SAMD3: variants seen among roughly 807,000 people sequenced by gnomAD.
SAMD3 encodes sterile alpha motif domain-containing protein 3.
SAMD3 carries 63 observed loss-of-function variants against 58.5 expected under a neutral mutation model. The ratio of observed to expected loss-of-function variants is 1.08; its 90% CI spans 0.88 to 1.33. The LOEUF (loss-of-function observed/expected upper bound fraction) is 1.33, where lower values mean the gene tolerates loss of function less well. SAMD3 is among the 40% of genes most tolerant of loss of function. SAMD3 has a pLI of 0.00. For synonymous variants in SAMD3, 220 were observed against 210.3 expected, an observed-to-expected ratio of 1.05 and a Z score of -0.40; for missense variants, 604 against 608.4, an observed-to-expected ratio of 0.99 and a Z score of 0.08.
In SAMD3 at chr6:130,144,642, G is replaced by T; in HGVS notation, c.1441C>A (p.Pro481Thr). 6.2e-7 allele frequency: 1 copy of T among 1,614,068 alleles called. No homozygotes were observed. Among genetic ancestry groups the T allele is most frequent in the South Asian group, 1.1e-5 (1 of 91,074 alleles). The change falls in exon 12 of 12, where the codon CCA becomes ACA. Residue 481 changes from proline (P) to threonine (T), a missense_variant. By Grantham distance (38) the Pro-to-Thr change is conservative. Coordinates refer to ENST00000439090, the MANE Select transcript of SAMD3 (RefSeq NM_001017373.4). ...TTGAAAGTTTGGGACAGTCTTCTTG[G>T]ACACTCAATCCTAAATACATGAAAG... ...AAFHVFRIEC[P>T]RRLSQTFNFL...
At chr6:130,340,973 G>A (rs1288925296) in intron 1 of SAMD3, among the ~76,000 whole-genome samples, 1 of 152,186 alleles carries the variant, frequency 6.6e-6, no homozygotes, top group Non-Finnish European at 1.5e-5. Flanking sequence ...AGTGAAATTT[G>A]TCTGGATGCA....
At chr6:130,215,669 A>T (rs1176852559) in intron 2 of SAMD3, 1 of 1,420,284 alleles carries the variant, frequency 7.0e-7, no homozygotes, top group African/African-American at 1.4e-5. Context: ...ATTCACCACT[A>T]CCAGGCTCCT....
chr6:130,312,179 T>C (rs967880046), intron 2 of SAMD3, among the ~76,000 whole-genome samples: 1 of 152,214 alleles, frequency 6.6e-6, no homozygotes, highest in Non-Finnish European at 1.5e-5. Flanking sequence ...TTGATTGATG[T>C]ATTGGACTGG....
intron 5 of SAMD3, among the ~76,000 whole-genome samples, chr6:130,193,316 G>C (rs934001008): frequency 1.3e-5 from 2 of 151,914 alleles, no homozygotes; most frequent in Non-Finnish European, 2.9e-5. Flanking sequence ...GGAGGGGCAA[G>C]TACCCCAACC....
At chr6:130,179,077 T>C (rs1249811168) in intron 7 of SAMD3, among the ~76,000 whole-genome samples, 1 of 152,224 alleles carries the variant, frequency 6.6e-6, no homozygotes, top group East Asian at 1.9e-4. Context: ...TTTCTAAATG[T>C]GCTGAACCTG....
chr6:130,249,876 C>T lies in SAMD3; in HGVS notation c.-187-27063G>A, dbSNP rs185787403. 2.7e-3 allele frequency among the ~76,000 whole-genome samples: 405 copies of T among 152,230 alleles called. 1 individual carries two copies. The highest frequency in any genetic ancestry group is 4.7e-3 in the Non-Finnish European group (317 of 68,004). Reference sequence around the variant, plus strand: ...AAACAAAAAAAAGCAAGACTCTAGCCATTTAGAGTTCCAAAATAGTCTCAC... The same window carrying T: ...AAACAAAAAAAAGCAAGACTCTAGCTATTTAGAGTTCCAAAATAGTCTCAC... On this transcript the variant is annotated intron_variant, in intron 2 of 13. Transcript: ENST00000368134.
intron 1 of SAMD3, among the ~76,000 whole-genome samples, chr6:130,221,060 TA>T (rs1363404157): frequency 1.3e-5 from 2 of 152,070 alleles, no homozygotes; most frequent in African/African-American, 4.8e-5. Context: ...TTCACTGTGT[TA>T]GCCAGGATGG....
intron 2 of SAMD3, among the ~76,000 whole-genome samples, chr6:130,234,338 A>G (rs1796624642): frequency 6.6e-6 from 1 of 152,064 alleles, no homozygotes; most frequent in Non-Finnish European, 1.5e-5. Flanking sequence ...TAAAGTACAT[A>G]TTTCTCTATT....
chr6:130,151,941 G>A (rs1356817490), intron 9 of SAMD3, among the ~76,000 whole-genome samples: 1 of 152,184 alleles, frequency 6.6e-6, no homozygotes, highest in Non-Finnish European at 1.5e-5. Context: ...GCAACATCCA[G>A]TAGATCCCAG....
intron 1 of SAMD3, among the ~76,000 whole-genome samples, chr6:130,345,999 G>A (rs188539102): frequency 6.6e-6 from 1 of 152,338 alleles, no homozygotes; most frequent in Non-Finnish European, 1.5e-5. Flanking sequence ...GTTATGACAG[G>A]CTGAATATTT....
At chr6:130,264,277 G>A (rs6909868) in intron 2 of SAMD3, among the ~76,000 whole-genome samples, 7 of 151,988 alleles carry the variant, frequency 4.6e-5, no homozygotes, top group African/African-American at 1.7e-4. Flanking sequence ...CGGTTCAGCT[G>A]CCAAAGGCCA....
intron 8 of SAMD3, chr6:130,161,362 C>T (rs1360735110): frequency 6.6e-6 from 1 of 152,092 alleles, no homozygotes; most frequent in African/African-American, 2.4e-5. Flanking sequence ...CTTTCATCTA[C>T]TGAAATATAG....
chr6:130,253,820 A>T lies in SAMD3; in HGVS notation c.-187-31007T>A, dbSNP rs371007883. On this transcript the variant is annotated intron_variant, in intron 2 of 13. Transcript: ENST00000368134. ...TTATACCTCTTTTATGTGATTTTTCATCATTAAATAATGTTATTTACCCCT... is the reference window on the plus strand; with the variant it reads ...TTATACCTCTTTTATGTGATTTTTCTTCATTAAATAATGTTATTTACCCCT... Among the ~76,000 whole-genome samples the T allele has an allele frequency of 7.9e-5, 12 of 151,940 alleles. No homozygotes were observed. In the East Asian group the frequency reaches 1.7e-3, roughly 22 times the overall value.
At chr6:130,267,996 C>T (rs1395696084) in intron 2 of SAMD3, among the ~76,000 whole-genome samples, 1 of 152,116 alleles carries the variant, frequency 6.6e-6, no homozygotes, top group African/African-American at 2.4e-5. Flanking sequence ...CATTAAATTA[C>T]AATGAAGCAG....
chr6:130,356,929 C>G (rs567413001), intron 1 of SAMD3, among the ~76,000 whole-genome samples: 5 of 152,258 alleles, frequency 3.3e-5, no homozygotes, highest in African/African-American at 4.8e-5. Context: ...TCCCATTTTG[C>G]AAGTGATTCA....
intron 1 of SAMD3, among the ~76,000 whole-genome samples, chr6:130,219,056 CA>C (rs1435541776): frequency 1.3e-5 from 2 of 152,180 alleles, no homozygotes; most frequent in African/African-American, 2.4e-5. Context: ...TTTCTTGAAG[CA>C]AATTGTGTAT....
In SAMD3 at chr6:130,146,166, G is replaced by A; in HGVS notation, c.1039C>T (p.Gln347Ter). The A allele has an allele frequency of 1.3e-6, 2 of 1,578,042 alleles. No homozygotes were observed. Among genetic ancestry groups the A allele is most frequent in the Non-Finnish European group, 1.7e-6 (2 of 1,163,846 alleles). ...TAAATATCTGTTCTTGTAAGAAGTT[G>A]GAATTCTCTGAACATCTGACAAAAG... is the stretch of plus-strand genomic sequence containing the variant. Reference protein sequence around the residue: ...KCPYQMFREFQLLTRTDIYKK... With the variant: ...KCPYQMFREF The change falls in exon 10 of 12, where the codon CAA becomes TAA. Residue 347 changes from glutamine to a stop codon, truncating the protein, a stop_gained. Transcript: ENST00000439090. LOFTEE classifies it high-confidence loss of function.
At chr6:130,350,270 GA>G (rs1364457314) in intron 1 of SAMD3, among the ~76,000 whole-genome samples, 1 of 152,140 alleles carries the variant, frequency 6.6e-6, no homozygotes. Context: ...TAGGAAAAGA[GA>G]AAGTCAAATT....
intron 1 of SAMD3, among the ~76,000 whole-genome samples, chr6:130,344,210 C>T (rs926721851): frequency 1.3e-5 from 2 of 152,210 alleles, no homozygotes; most frequent in African/African-American, 4.8e-5. Context: ...GTAAGAACAG[C>T]TGCTAACATT....
Sources: gnomAD v4.1 joint callset for allele counts (sites outside exome capture counted in the v4.1 genomes callset) on GRCh38, gnomAD v4.1.1 for gene constraint, MANE v1.5 for transcripts, NCBI Gene and HGNC (gene_info 2026-07-23, HGNC 2026-07-21) for gene names.